The following CHRDL2 variants were observed in gnomAD, a reference collection of about 807,000 sequenced individuals.
The protein encoded by CHRDL2 is chordin-like protein 2.
CHRDL2 carries 41 observed loss-of-function variants against 54.3 expected under a neutral mutation model. That is an observed-to-expected ratio of 0.76 (90% CI 0.59 to 0.98). The LOEUF (loss-of-function observed/expected upper bound fraction) is 0.98. Ranked by LOEUF, CHRDL2 falls within the 50% of genes least tolerant of loss-of-function variation. The pLI, the probability that CHRDL2 is intolerant of heterozygous loss-of-function variation, is 0.00. For missense variants in CHRDL2, 518 were observed against 562.4 expected (o/e 0.92, Z 0.80); for synonymous variants, 220 against 224.3 (o/e 0.98, Z 0.17).
At chr11:74,712,317 CAG>C (rs1338624568) in intron 3 of CHRDL2, among the ~76,000 whole-genome samples, 2 of 152,008 alleles carry the variant, frequency 1.3e-5, no homozygotes, top group African/African-American at 2.4e-5. Context: ...CAACGGTGAG[CAG>C]AGTCTTGAAG....
At chr11:74,728,792 G>C (rs2034608969) in intron 1 of CHRDL2, among the ~76,000 whole-genome samples, 1 of 152,172 alleles carries the variant, frequency 6.6e-6, no homozygotes, top group Non-Finnish European at 1.5e-5. Flanking sequence ...GAAGCAGATG[G>C]TTTTTGATAG....
At chr11:74,707,277 C>T (rs1031812410) in intron 5 of CHRDL2, among the ~76,000 whole-genome samples, 1 of 152,224 alleles carries the variant, frequency 6.6e-6, no homozygotes, top group Non-Finnish European at 1.5e-5. Flanking sequence ...GCTGGAAGAA[C>T]CAGGACTAAA....
intron 9 of CHRDL2, among the ~76,000 whole-genome samples, chr11:74,700,702 G>A (rs1944505645): frequency 1.3e-5 from 2 of 150,266 alleles, no homozygotes; most frequent in South Asian, 2.1e-4. Flanking sequence ...GCAGTGGCAC[G>A]ATCTTAGCTC....
In CHRDL2 at chr11:74,696,494, A is replaced by C; in HGVS notation, c.*15T>G. 6.2e-7 allele frequency: 1 copy of C among 1,601,170 alleles called. No individual in the cohort carries two copies. Among genetic ancestry groups the C allele is most frequent in the Non-Finnish European group, 8.6e-7 (1 of 1,168,198 alleles). On this transcript the variant is annotated 3_prime_UTR_variant, in exon 11 of 11. Coordinates refer to ENST00000376332, the MANE Select transcript of CHRDL2 (RefSeq NM_001278473.3). ...AACAATTATACAGCTCATATCTGCA[A>C]CTGTTAGGTCTTTGTTATGTCTTGG... is the stretch of plus-strand genomic sequence containing the variant.
chr11:74,711,035 A>C, intron 3 of CHRDL2, 44 bp from the exon 4 acceptor site: 1 of 1,578,068 alleles, frequency 6.3e-7, no homozygotes, highest in Non-Finnish European at 8.6e-7. Flanking sequence ...ATGAGGTTTC[A>C]TGTGAATCTT....
At chr11:74,697,738 A>T (rs1253910609) in intron 9 of CHRDL2, 16 of 332,098 alleles carry the variant, frequency 4.8e-5, no homozygotes, top group South Asian at 3.8e-4. Flanking sequence ...CAGTGCAGGG[A>T]GGGAGGGAAG....
intron 9 of CHRDL2, among the ~76,000 whole-genome samples, chr11:74,697,965 T>G (rs1438515182): frequency 6.6e-6 from 1 of 152,152 alleles, no homozygotes; most frequent in East Asian, 1.9e-4. Context: ...GCCCTAGCCC[T>G]AACCAAGTAC....
intron 3 of CHRDL2, among the ~76,000 whole-genome samples, chr11:74,712,467 C>T (rs1442161539): frequency 3.9e-5 from 6 of 152,138 alleles, no homozygotes; most frequent in Admixed American, 3.9e-4. Flanking sequence ...CCCCCAGAGT[C>T]GGCATCAGAC....
Position 74,706,473 on chromosome 11 carries a change from G to A in CHRDL2, c.582+14C>T. 1 of 1,613,660 alleles carries A rather than the reference G, an allele frequency of 6.2e-7. No individual in the cohort carries two copies. The highest frequency in any genetic ancestry group is 8.5e-7 in the Non-Finnish European group (1 of 1,179,656). On this transcript the variant is annotated intron_variant, in intron 6 of 10. Coordinates refer to ENST00000376332, the MANE Select transcript of CHRDL2 (RefSeq NM_001278473.3). ...CCCCTGTCCCGCACCCCGTCAATAA[G>A]GCCGTGCACTCACCACCCCATGGAG...
At chr11:74,729,959 C>T (rs2034626939) in intron 1 of CHRDL2, among the ~76,000 whole-genome samples, 1 of 152,174 alleles carries the variant, frequency 6.6e-6, no homozygotes, top group African/African-American at 2.4e-5. Flanking sequence ...TAATTGGGAA[C>T]TGATTTTTTT....
intron 1 of CHRDL2, among the ~76,000 whole-genome samples, chr11:74,722,551 T>A (rs2034514644): frequency 6.6e-6 from 1 of 151,136 alleles, no homozygotes; most frequent in Non-Finnish European, 1.5e-5. Context: ...TAAATAGGTT[T>A]AAAAAAAAAC....
chr11:74,713,444 C>CGGGCAGT lies in CHRDL2; in HGVS notation c.230_231insACTGCCC (p.Pro78LeufsTer53). ...TCACAGGCTGGGGGCAGTGGACAGGCGGACAGTGGAGGCGGTAACAACTCA... is the reference window on the plus strand; with the variant it reads ...TCACAGGCTGGGGGCAGTGGACAGGCGGGCAGTGGACAGTGGAGGCGGTAACAACTCA... On this transcript the variant is annotated frameshift_variant, in exon 3 of 11. Coordinates refer to ENST00000376332, the MANE Select transcript of CHRDL2 (RefSeq NM_001278473.3). LOFTEE classifies it high-confidence loss of function. 6.2e-7 allele frequency: 1 copy of CGGGCAGT among 1,614,098 alleles called. No individual in the cohort carries two copies. The highest frequency in any genetic ancestry group is 8.5e-7 in the Non-Finnish European group (1 of 1,179,994).
chr11:74,723,617 T>C (rs945286797), intron 1 of CHRDL2, among the ~76,000 whole-genome samples: 3 of 152,206 alleles, frequency 2.0e-5, no homozygotes, highest in Non-Finnish European at 1.5e-5. Context: ...TTGGTGCCAT[T>C]ATGAAGTAAA....
In CHRDL2 at chr11:74,708,360, G is replaced by C. The variant is rs532780157; in HGVS notation, c.468C>G (p.Pro156=). Residue 156 remains proline, a synonymous_variant, in exon 5 of 11, where the codon CCC becomes CCG. Transcript: ENST00000376332. ...GQIYCGLTTC[P]EPGCPAPLPL... is the part of the protein sequence containing the mutation. ...GGAGGGGTGCTGGGCAGCCTGGTTC[G>C]GGGCAGGTTGTGAGGCCGCAGTAGA... The C allele has an allele frequency of 6.3e-7, 1 of 1,588,222 alleles. No homozygotes were observed. The highest frequency in any genetic ancestry group is 8.5e-7 in the Non-Finnish European group (1 of 1,170,284).
At chr11:74,718,923 T>C in intron 1 of CHRDL2, 91 bp from the exon 2 acceptor site, 1 of 803,752 alleles carries the variant, frequency 1.2e-6, no homozygotes, top group Non-Finnish European at 2.0e-6. Context: ...CTAAAAGAGA[T>C]GTCATCTGGG....
intron 2 of CHRDL2, among the ~76,000 whole-genome samples, chr11:74,716,540 C>CAAAAA (rs751918696): frequency 1.0e-4 from 6 of 57,506 alleles, no homozygotes; most frequent in Non-Finnish European, 2.1e-4. Flanking sequence ...ACTCCATCTC[C>CAAAAA]AAAAAAAAAA....
chr11:74,705,149 C>A (rs2033968241), intron 6 of CHRDL2, among the ~76,000 whole-genome samples: 1 of 152,106 alleles, frequency 6.6e-6, no homozygotes, highest in South Asian at 2.1e-4. Context: ...CAAGAGCAGG[C>A]CCCATCCAGA....
intron 7 of CHRDL2, among the ~76,000 whole-genome samples, chr11:74,704,011 C>T (rs554786802): frequency 6.6e-6 from 1 of 152,202 alleles, no homozygotes; most frequent in Admixed American, 6.5e-5. Flanking sequence ...TCTACTTCAT[C>T]CCCACTGTCC....
chr11:74,712,459 C>G lies in CHRDL2; in HGVS notation c.289+927G>C, dbSNP rs189273890. 3.3e-5 allele frequency among the ~76,000 whole-genome samples: 5 copies of G among 152,278 alleles called. No homozygotes were observed. The East Asian group carries it at 9.7e-4, about 30-fold the overall frequency. On this transcript the variant is annotated intron_variant, in intron 3 of 10. Transcript: ENST00000376332. ...AAGTCAGCAAGGAGAGGTGAGGCCC[C>G]CCAGAGTCGGCATCAGACATGAGGA...
Sources: allele counts gnomAD v4.1 joint callset (sites outside exome capture counted in the v4.1 genomes callset), GRCh38; gene constraint gnomAD v4.1.1; transcripts MANE v1.5; gene names NCBI Gene and HGNC (gene_info 2026-07-23, HGNC 2026-07-21).